The following TCEA3 variants were observed in gnomAD, a reference collection of about 807,000 sequenced individuals.
TCEA3 encodes the protein transcription elongation factor A3.
TCEA3 carries 36 observed loss-of-function variants against 44.0 expected under a neutral mutation model. The observed-to-expected ratio is 0.82, with a 90% CI of 0.63 to 1.08. The LOEUF is 1.08. TCEA3 is among the 50% of genes least tolerant of loss of function. The pLI is 0.00. For synonymous variants in TCEA3, 162 were observed against 159.7 expected (o/e 1.01, Z -0.11); for missense variants, 392 against 441.2 (o/e 0.89, Z 1.00).
At chr1:23,412,261 A>C (rs1274681857) in intron 4 of TCEA3, 1 of 152,184 alleles carries the variant, frequency 6.6e-6, no homozygotes. Context: ...TATATTTAAA[A>C]AAATAATTTG....
chr1:23,392,446 A>C (rs796285119), intron 8 of TCEA3, among the ~76,000 whole-genome samples: 135 of 3,440 alleles, frequency 0.039, no homozygotes, highest in Non-Finnish European at 0.045. Flanking sequence ...ATCATGCACA[A>C]TACACACACA....
At chr1:23,417,037 A>G (rs1409001363) in intron 4 of TCEA3, among the ~76,000 whole-genome samples, 1 of 152,200 alleles carries the variant, frequency 6.6e-6, no homozygotes, top group Non-Finnish European at 1.5e-5. Flanking sequence ...GCATCCTTCT[A>G]GGCAAAGCCA....
At chr1:23,411,373 G>A (rs1233484798) in intron 4 of TCEA3, 1 of 156,658 alleles carries the variant, frequency 6.4e-6, no homozygotes, top group Non-Finnish European at 1.4e-5. Context: ...GGCCAGGCTG[G>A]TCTCGAACTT....
intron 10 of TCEA3, chr1:23,384,123 C>G: frequency 7.3e-7 from 1 of 1,362,830 alleles, no homozygotes; most frequent in Non-Finnish European, 9.5e-7. Flanking sequence ...GCTGCTGCCC[C>G]CACCCCAGCT....
chr1:23,390,452 G>C (rs1638989537), intron 8 of TCEA3, among the ~76,000 whole-genome samples: 1 of 152,104 alleles, frequency 6.6e-6, no homozygotes, highest in African/African-American at 2.4e-5. Flanking sequence ...TTGCACTCCA[G>C]CCTGGGTGAC....
At chr1:23,409,626 C>T (rs944175542) in intron 4 of TCEA3, among the ~76,000 whole-genome samples, 7 of 152,010 alleles carry the variant, frequency 4.6e-5, no homozygotes, top group Admixed American at 1.3e-4. Context: ...CGGCTCACTG[C>T]GACCTCCACC....
chr1:23,392,408 T>TACACACA (rs1558030151), intron 8 of TCEA3, among the ~76,000 whole-genome samples: 1 of 5,104 alleles, frequency 2.0e-4, no homozygotes, highest in Non-Finnish European at 3.4e-4. Flanking sequence ...CCACACATCA[T>TACACACA]CATGCACAAT....
rs1335779238 is a variant in TCEA3 at position 23,392,451 on chromosome 1, C to A, written c.819+1428G>T. 8.3e-5 allele frequency among the ~76,000 whole-genome samples: 4 copies of A among 48,174 alleles called. 1 individual carries two copies. The highest frequency in any genetic ancestry group is 2.2e-4 in the African/African-American group (4 of 18,520). 31.6% of individuals were successfully genotyped at this position (48,174 alleles called of 152,430 possible). ...CACTCCACACATCATGCACAATACA[C>A]ACACACTCCACACATCATACACACC... On this transcript the variant is annotated intron_variant, in intron 8 of 10. Transcript: ENST00000450454.
At chr1:23,384,449 C>T in intron 9 of TCEA3, 32 bp from the exon 10 acceptor site, 1 of 1,607,026 alleles carries the variant, frequency 6.2e-7, no homozygotes, top group Non-Finnish European at 8.5e-7. Context: ...CATGAAGTCA[C>T]TCCCCTGTTC....
chr1:23,395,137 ATGT>A (rs1639177837), intron 7 of TCEA3, among the ~76,000 whole-genome samples: 1 of 152,230 alleles, frequency 6.6e-6, no homozygotes, highest in Admixed American at 6.5e-5. Flanking sequence ...TATTGTTTTA[ATGT>A]TGTTTGTACA....
At chr1:23,418,310 C>A in intron 2 of TCEA3, 1 of 346,316 alleles carries the variant, frequency 2.9e-6, no homozygotes, top group South Asian at 4.8e-5. Context: ...CATTCCCAAC[C>A]CTCTAGTGTC....
intron 5 of TCEA3, among the ~76,000 whole-genome samples, chr1:23,408,246 G>A (rs376124901): frequency 2.3e-4 from 35 of 152,192 alleles, no homozygotes; most frequent in Non-Finnish European, 3.7e-4. Flanking sequence ...ACAGGCATGA[G>A]CCACTGTGCC....
rs59101523 is a variant in TCEA3 at position 23,414,019 on chromosome 1, A to ATG, written c.380+3228_380+3229dup. ...ATATATATATATATATAAATTTTAT[A>ATG]TGTATATATACACACAATTATATGT... On this transcript the variant is annotated intron_variant, in intron 4 of 10. Coordinates refer to ENST00000450454, the MANE Select transcript of TCEA3 (RefSeq NM_003196.3). Among the ~76,000 whole-genome samples, 926 of 145,768 alleles carry ATG rather than the reference A, an allele frequency of 6.4e-3. 8 individuals are homozygous for ATG. Among genetic ancestry groups the ATG allele is most frequent in the African/African-American group, 0.021 (825 of 39,354 alleles).
At chr1:23,408,893 C>T (rs1204926418) in intron 4 of TCEA3, among the ~76,000 whole-genome samples, 167 bp from the exon 5 acceptor site, 1 of 152,192 alleles carries the variant, frequency 6.6e-6, no homozygotes, top group Non-Finnish European at 1.5e-5. Flanking sequence ...GCCGGCTGGT[C>T]ATGACCTTCA....
At chr1:23,415,014 CTTTTTTTTTTT>C (rs59946326) in intron 4 of TCEA3, among the ~76,000 whole-genome samples, 9 of 43,120 alleles carry the variant, frequency 2.1e-4, no homozygotes, top group African/African-American at 6.7e-4. Flanking sequence ...CTTTACTGTT[CTTTTTTTTTTT>C]TTTTTTTTTT....
chr1:23,423,945 C>G, intron 1 of TCEA3: 1 of 447,446 alleles, frequency 2.2e-6, no homozygotes, highest in Non-Finnish European at 4.5e-6. Flanking sequence ...CGCGGGCCCC[C>G]GCACCTGTTC....
At chr1:23,390,975 G>A (rs967725163) in intron 8 of TCEA3, among the ~76,000 whole-genome samples, 1 of 151,952 alleles carries the variant, frequency 6.6e-6, no homozygotes, top group African/African-American at 2.4e-5. Flanking sequence ...GAAGAAGAAA[G>A]AATGAGGGAG....
chr1:23,386,379 A>G (rs1261246554), intron 9 of TCEA3, among the ~76,000 whole-genome samples: 1 of 151,912 alleles, frequency 6.6e-6, no homozygotes, highest in African/African-American at 2.4e-5. Flanking sequence ...CTGGGACTAC[A>G]GGCACACACT....
intron 5 of TCEA3, among the ~76,000 whole-genome samples, chr1:23,399,945 G>A (rs576698745): frequency 1.8e-4 from 28 of 152,036 alleles, no homozygotes. Context: ...CAAAGTGTTG[G>A]GATTACAGGC....
Sources: allele counts gnomAD v4.1 joint callset (sites outside exome capture counted in the v4.1 genomes callset), GRCh38; gene constraint gnomAD v4.1.1; transcripts MANE v1.5; gene names NCBI Gene and HGNC (gene_info 2026-07-23, HGNC 2026-07-21).